SDC1: variants seen among roughly 807,000 people sequenced by gnomAD.
SDC1 encodes syndecan-1.
SDC1 carries 14 observed loss-of-function variants against 29.7 expected under a neutral mutation model. The observed-to-expected ratio is 0.47, with a 90% CI of 0.31 to 0.74. The LOEUF is 0.74. SDC1 is among the 30% of genes least tolerant of loss of function. The pLI, the probability that SDC1 is intolerant of heterozygous loss-of-function variation, is 0.05. For synonymous variants in SDC1, 204 were observed against 175.5 expected (o/e 1.16, Z -1.29); for missense variants, 406 against 400.3 (o/e 1.01, Z -0.12).
chr2:20,205,098 C>T (rs190868286), intron 2 of SDC1, among the ~76,000 whole-genome samples: 2 of 152,360 alleles, frequency 1.3e-5, no homozygotes, highest in East Asian at 3.9e-4. Flanking sequence ...GTGCAGCAGG[C>T]GGCCCTGGGG....
chr2:20,211,072 T>TAC (rs1200982368), intron 1 of SDC1, among the ~76,000 whole-genome samples: 1 of 152,132 alleles, frequency 6.6e-6, no homozygotes, highest in Non-Finnish European at 1.5e-5. Flanking sequence ...TACCCCCACC[T>TAC]CTGCATCAAG....
At chr2:20,210,556 C>G (rs1262852334) in intron 1 of SDC1, among the ~76,000 whole-genome samples, 1 of 152,224 alleles carries the variant, frequency 6.6e-6, no homozygotes, top group Non-Finnish European at 1.5e-5. Context: ...CTCTGATTCG[C>G]AGTCATTCGT....
At chr2:20,223,172 G>A (rs2148299091) in intron 1 of SDC1, 5 of 1,108,274 alleles carry the variant, frequency 4.5e-6, no homozygotes, top group Non-Finnish European at 6.1e-6. Flanking sequence ...GACCTCTCCT[G>A]GACCGGAAAA....
At chr2:20,204,364 G>GCT in intron 2 of SDC1, 73 bp from the exon 3 acceptor site, 2 of 952,702 alleles carry the variant, frequency 2.1e-6, no homozygotes, top group Non-Finnish European at 3.2e-6. Flanking sequence ...GTGTTGGGTG[G>GCT]GTCGGGGGAG....
rs1013344933 is a variant in SDC1, at chr2:20,202,547, C to A, written c.*219G>T. The A allele has an allele frequency of 5.0e-6, 3 of 600,646 alleles. No homozygotes were observed. Among genetic ancestry groups the A allele is most frequent in the African/African-American group, 1.9e-5 (1 of 53,886 alleles). The allele number at this position is 600,646 out of a possible 1,614,324, so 37.2% of individuals were successfully genotyped here. ...CTGGCTGTGGTGGAAAGGTCCTATG[C>A]GAGAAACCCCTGGTGCCCTAAGTCT... On this transcript the variant is annotated 3_prime_UTR_variant, in exon 5 of 5. Coordinates refer to ENST00000254351, the MANE Select transcript of SDC1 (RefSeq NM_002997.5).
intron 1 of SDC1, among the ~76,000 whole-genome samples, chr2:20,218,722 G>GAC (rs577625623): frequency 1.3e-5 from 2 of 149,852 alleles, no homozygotes; most frequent in African/African-American, 2.5e-5. Context: ...CACATAGAGG[G>GAC]ACACACACAC....
intron 1 of SDC1, among the ~76,000 whole-genome samples, chr2:20,222,998 G>A (rs1677869213): frequency 6.6e-6 from 1 of 152,166 alleles, no homozygotes. Context: ...TCGGAGCGAA[G>A]ACTCCAAGCA....
chr2:20,203,943 G>T lies in SDC1; in HGVS notation c.497C>A (p.Thr166Asn). ...DMQPGHHETS[T>N]PAGPSQADLH... ...GTCAGCTTGGCTGGGTCCTGCAGGG[G>T]TTGAGGTCTCATGGTGGCCAGGCTG... The change falls in exon 3 of 5, where the codon ACC becomes AAC. Residue 166 changes from threonine (T) to asparagine (N), a missense_variant. Transcript: ENST00000254351. 4 of 1,614,044 alleles carry T rather than the reference G, an allele frequency of 2.5e-6. No individual in the cohort carries two copies. The highest frequency in any genetic ancestry group is 1.7e-4 in the Middle Eastern group (1 of 6,058).
chr2:20,210,905 A>G (rs556856696), intron 1 of SDC1, among the ~76,000 whole-genome samples: 177 of 152,048 alleles, frequency 1.2e-3, no homozygotes, highest in Non-Finnish European at 2.0e-3. Context: ...TGTCCTCAGG[A>G]GGCTTGAAAC....
rs775371872 is a variant in SDC1 at position 20,201,055 on chromosome 2, G to A, written c.*1711C>T. 2 of 152,236 alleles carry A rather than the reference G, an allele frequency of 1.3e-5. No homozygotes were observed. The highest frequency in any genetic ancestry group is 2.9e-5 in the Non-Finnish European group (2 of 68,078). The allele number at this position is 152,236 out of a possible 1,614,324, so 9.4% of individuals were successfully genotyped here. On this transcript the variant is annotated 3_prime_UTR_variant, in exon 5 of 5. Transcript: ENST00000254351. ...TGGCCAACGGAGTCGCTGAAACGTTGTCAAATAAGCAAGTAAGTGCAGGAG... is the reference window on the plus strand; with the variant it reads ...TGGCCAACGGAGTCGCTGAAACGTTATCAAATAAGCAAGTAAGTGCAGGAG...
rs147021206 is a variant in SDC1, at chr2:20,215,748, C to A, written c.66+9054G>T. Among the ~76,000 whole-genome samples, 665 of 152,344 alleles carry A rather than the reference C, an allele frequency of 4.4e-3. 4 individuals are homozygous for A. The highest frequency in any genetic ancestry group is 0.016 in the African/African-American group (646 of 41,578). ...TGGGGTAGGTGAAGAATCGTGCTCA[C>A]GATGACACAGGGAGGAAGCAATGAA... On this transcript the variant is annotated intron_variant, in intron 1 of 4. Coordinates refer to ENST00000254351, the MANE Select transcript of SDC1 (RefSeq NM_002997.5).
chr2:20,212,621 G>T (rs190507814), intron 1 of SDC1, among the ~76,000 whole-genome samples: 7 of 152,234 alleles, frequency 4.6e-5, no homozygotes, highest in African/African-American at 1.7e-4. Context: ...TCCGGTGACA[G>T]GCACAGCAAT....
chr2:20,211,015 C>T (rs1366040820), intron 1 of SDC1, among the ~76,000 whole-genome samples: 3 of 152,186 alleles, frequency 2.0e-5, no homozygotes, highest in Non-Finnish European at 4.4e-5. Flanking sequence ...CCCTAGACTT[C>T]AGGACTCTTG....
intron 1 of SDC1, among the ~76,000 whole-genome samples, chr2:20,214,306 A>ATTGAGTAAGCACTGAGGCTT (rs1319246815): frequency 2.0e-5 from 3 of 151,962 alleles, no homozygotes; most frequent in Non-Finnish European, 2.9e-5. Context: ...AACAATTCAG[A>ATTGAGTAAGCACTGAGGCTT]TTGAGTAAGC....
chr2:20,224,094 C>A lies in SDC1; in HGVS notation c.66+708G>T. ...ACGGGAACGCGCCCTCCGGGGCCAG[C>A]TCAACTTCAGCAGCCCAGAAGTTGG... On this transcript the variant is annotated intron_variant, in intron 1 of 4. Coordinates refer to ENST00000254351, the MANE Select transcript of SDC1 (RefSeq NM_002997.5). This position sits in a 1 kb window ranked among gnomAD's most constrained non-coding sequence, Gnocchi z 4.9. The A allele has an allele frequency of 2.7e-6, 1 of 370,586 alleles. No homozygotes were observed. The highest frequency in any genetic ancestry group is 5.5e-6 in the Non-Finnish European group (1 of 182,080). The allele number at this position is 370,586 out of a possible 1,614,324, so 23.0% of individuals were successfully genotyped here.
chr2:20,224,661 C>T lies in SDC1; in HGVS notation c.66+141G>A. ...GCTGGAGCCCTGGTCTCGGGGCTCA[C>T]CGTCCCGGGACCCGCTGGGCTAGCG... On this transcript the variant is annotated intron_variant, in intron 1 of 4. Coordinates refer to ENST00000254351, the MANE Select transcript of SDC1 (RefSeq NM_002997.5). The surrounding 1 kb of genome is among the most constrained non-coding windows in gnomAD (Gnocchi z 4.9). 1.9e-6 allele frequency: 2 copies of T among 1,048,572 alleles called. No homozygotes were observed. The highest frequency in any genetic ancestry group is 1.2e-6 in the Non-Finnish European group (1 of 833,378). 65.0% of individuals were successfully genotyped at this position (1,048,572 alleles called of 1,614,324 possible).
At chr2:20,219,055 C>T (rs1030993796) in intron 1 of SDC1, among the ~76,000 whole-genome samples, 1 of 152,192 alleles carries the variant, frequency 6.6e-6, no homozygotes, top group African/African-American at 2.4e-5. Flanking sequence ...CAGGAGAGGT[C>T]GCTGGGCAAG....
chr2:20,203,364 A>G, intron 3 of SDC1, 142 bp from the exon 4 acceptor site: 1 of 934,576 alleles, frequency 1.1e-6, no homozygotes, highest in Non-Finnish European at 1.5e-6. Flanking sequence ...AGGATCGCAC[A>G]GGGCCCGAAA....
chr2:20,205,198 T>G, intron 2 of SDC1, 145 bp downstream of exon 2: 2 of 707,362 alleles, frequency 2.8e-6, no homozygotes, highest in Non-Finnish European at 5.1e-6. Flanking sequence ...TCCTCAGCAT[T>G]GCCCTTTGGA....
Sources: allele counts gnomAD v4.1 joint callset (sites outside exome capture counted in the v4.1 genomes callset), GRCh38; gene constraint gnomAD v4.1.1; non-coding constraint Gnocchi (gnomAD v3.1); transcripts MANE v1.5; gene names NCBI Gene and HGNC (gene_info 2026-07-23, HGNC 2026-07-21).